The following PIK3C2B variants were observed in gnomAD, a reference collection of about 807,000 sequenced individuals.
PIK3C2B encodes the protein phosphatidylinositol 4-phosphate 3-kinase C2 domain-containing subunit beta.
In PIK3C2B, 83 loss-of-function variants were observed where a neutral mutation model predicts 184.3. That is an observed-to-expected ratio of 0.45 (90% confidence interval 0.38 to 0.54). The LOEUF (loss-of-function observed/expected upper bound fraction) is 0.54. Among genes scored for constraint, PIK3C2B ranks in the 20% least tolerant of loss-of-function variants. The pLI, the probability that PIK3C2B is intolerant of heterozygous loss-of-function variation, is 0.00. For synonymous variants in PIK3C2B, 779 were observed against 837.6 expected (o/e 0.93, Z 1.21); for missense variants, 1,736 against 2,113.5 (o/e 0.82, Z 3.50).
intron 21 of PIK3C2B, among the ~76,000 whole-genome samples, chr1:204,440,765 T>TTATATATATATATATATATATA (rs34842826): frequency 4.3e-5 from 6 of 140,052 alleles, no homozygotes; most frequent in African/African-American, 1.6e-4. Context: ...CCCAGCTAAT[T>TTATATATATATATATATATATA]TATATATATA....
rs773149334 is a variant in PIK3C2B, at chr1:204,449,959, G to A, written c.2125C>T (p.Leu709Phe). 6.2e-7 allele frequency: 1 copy of A among 1,608,788 alleles called. No homozygotes were observed. The highest frequency in any genetic ancestry group is 8.5e-7 in the Non-Finnish European group (1 of 1,177,688). ...LPRETLLCAT[L>F]YALPIPPPGS... ...GGTGGGGGGATGGGCAGAGCATAGA[G>A]AGTGGCACACAGCAGTGTCTCCCGA... Residue 709 changes from leucine (L) to phenylalanine (F), a missense_variant, in exon 13 of 33, where the codon CTC (leucine) becomes TTC (phenylalanine). Physicochemically the swap from Leu to Phe is conservative, Grantham distance 22. Transcript: ENST00000684373.
intron 1 of PIK3C2B, among the ~76,000 whole-genome samples, chr1:204,475,371 T>G (rs1333444576): frequency 6.6e-6 from 1 of 150,448 alleles, no homozygotes; most frequent in Non-Finnish European, 1.5e-5. Context: ...TTAAGATATT[T>G]TATTCAAAAT....
rs867355457 is a variant in PIK3C2B, at chr1:204,444,219, A to G, written c.2773-57T>C. 24 of 1,431,334 alleles carry G rather than the reference A, an allele frequency of 1.7e-5. 1 individual carries two copies. In the Middle Eastern group the frequency reaches 4.0e-3, roughly 241 times the overall value. The allele number at this position is 1,431,334 out of a possible 1,614,324, so 88.7% of individuals were successfully genotyped here. On this transcript the variant is annotated intron_variant, in intron 17 of 32. Transcript: ENST00000684373. The stretch of plus-strand genomic sequence containing the variant: ...AAGCTTCATTAACTGCCTGTAACCT[A>G]CACTTATTATTATTGCACTGGGATC...
At chr1:204,477,425 C>G (rs531687520) in intron 1 of PIK3C2B, among the ~76,000 whole-genome samples, 1 of 152,298 alleles carries the variant, frequency 6.6e-6, no homozygotes, top group East Asian at 1.9e-4. Flanking sequence ...ATGCCTATGG[C>G]CAAGCAGGTC....
At position 204,456,040 on chromosome 1, in the gene PIK3C2B, C is replaced by T; in HGVS notation, c.1759G>A (p.Glu587Lys). Reference sequence around the variant, plus strand: ...TCCAAGATGGCAGCGGTCAGGGCTTCCACGACCTTCTCTGGGAAGGGAAGG... The same window carrying T: ...TCCAAGATGGCAGCGGTCAGGGCTTTCACGACCTTCTCTGGGAAGGGAAGG... ...AVRENREKVV[E>K]ALTAAILDLV... The change falls in exon 11 of 33, where the codon GAA becomes AAA. Residue 587 changes from glutamate (E) to lysine (K), a missense_variant. Transcript: ENST00000684373. 1 of 1,612,872 alleles carries T rather than the reference C, an allele frequency of 6.2e-7. No homozygotes were observed. Among genetic ancestry groups the T allele is most frequent in the Non-Finnish European group, 8.5e-7 (1 of 1,179,086 alleles).
chr1:204,481,386 C>T (rs1304728734), intron 1 of PIK3C2B, among the ~76,000 whole-genome samples: 1 of 151,174 alleles, frequency 6.6e-6, no homozygotes, highest in African/African-American at 2.4e-5. Flanking sequence ...TCTGCCTCAG[C>T]TTCCTGAACC....
At chr1:204,453,777 A>ATTT (rs35689799) in intron 12 of PIK3C2B, among the ~76,000 whole-genome samples, 2 of 148,016 alleles carry the variant, frequency 1.4e-5, no homozygotes, top group Admixed American at 6.7e-5. Context: ...CTAACATTTA[A>ATTT]TTTTTTTTTT....
intron 1 of PIK3C2B, among the ~76,000 whole-genome samples, chr1:204,480,522 C>T (rs1657037394): frequency 1.3e-5 from 2 of 152,128 alleles, no homozygotes; most frequent in African/African-American, 4.8e-5. Flanking sequence ...AGTATACACT[C>T]AGCACAGATA....
rs1214733513 is a variant in PIK3C2B at position 204,424,655 on chromosome 1, G to A, written c.*197C>T. The A allele has an allele frequency of 4.0e-6, 3 of 752,422 alleles. No homozygotes were observed. The highest frequency in any genetic ancestry group is 7.3e-6 in the Non-Finnish European group (3 of 412,084). 46.6% of individuals were successfully genotyped at this position (752,422 alleles called of 1,614,324 possible). A position where few individuals can be genotyped will look rare whatever the true frequency, so the allele number is the denominator to read the frequency against. On this transcript the variant is annotated 3_prime_UTR_variant, in exon 33 of 33. Transcript: ENST00000684373. The stretch of plus-strand genomic sequence containing the variant: ...GGGCTGCTCATCACAACCAACCCAA[G>A]TTCAGTCTCCAGAGGAAGAGACAGC...
At chr1:204,452,704 T>G (rs2942131) in intron 12 of PIK3C2B, among the ~76,000 whole-genome samples, 120,430 of 139,936 alleles carry the variant, frequency 0.86, 54,305 homozygotes, top group Non-Finnish European at 0.99. Flanking sequence ...GCCCAGGCTA[T>G]AGTGCAGTGG....
At chr1:204,467,833 C>CAAAAATAA (rs1655937485) in intron 2 of PIK3C2B, among the ~76,000 whole-genome samples, 1 of 88,566 alleles carries the variant, frequency 1.1e-5, no homozygotes, top group Admixed American at 1.4e-4. Flanking sequence ...GACTCTGTCT[C>CAAAAATAA]AAAAAAAAAA....
intron 1 of PIK3C2B, among the ~76,000 whole-genome samples, chr1:204,490,678 C>G (rs1448206273): frequency 6.6e-6 from 1 of 151,782 alleles, no homozygotes; most frequent in Non-Finnish European, 1.5e-5. Flanking sequence ...AATCCCAACA[C>G]TTTGGGAGGC....
Position 204,423,505 on chromosome 1 carries a change from G to C in PIK3C2B, c.*1347C>G, listed in dbSNP as rs1251645464. On this transcript the variant is annotated 3_prime_UTR_variant, in exon 33 of 33. Coordinates refer to ENST00000684373, the MANE Select transcript of PIK3C2B (RefSeq NM_001377334.1). ...ATAAAGAATATGAAGAGATAAGGGAGTCAGTCTCAGTCTCTCCCTTCGGGC... is the reference window on the plus strand; with the variant it reads ...ATAAAGAATATGAAGAGATAAGGGACTCAGTCTCAGTCTCTCCCTTCGGGC... 6.6e-6 allele frequency: 1 copy of C among 151,922 alleles called. No individual in the cohort carries two copies. Among genetic ancestry groups the C allele is most frequent in the Non-Finnish European group, 1.5e-5 (1 of 68,004 alleles). 9.4% of individuals were successfully genotyped at this position (151,922 alleles called of 1,614,324 possible).
intron 10 of PIK3C2B, 36 bp downstream of exon 10, chr1:204,457,001 G>C: frequency 1.3e-6 from 2 of 1,552,744 alleles, no homozygotes; most frequent in South Asian, 2.4e-5. Flanking sequence ...GTTTTCGGCA[G>C]CCCGACTGGA....
intron 1 of PIK3C2B, among the ~76,000 whole-genome samples, chr1:204,483,755 G>C (rs140581242): frequency 7.0e-4 from 107 of 152,292 alleles, no homozygotes; most frequent in African/African-American, 2.5e-3. Flanking sequence ...TCCCAAGAGA[G>C]ACAGATGTCC....
At chr1:204,425,157 C>T (rs555121283) in intron 32 of PIK3C2B, 117 bp from the exon 33 acceptor site, 3 of 766,884 alleles carry the variant, frequency 3.9e-6, no homozygotes, top group Admixed American at 4.9e-5. Context: ...GAGGCTAGCA[C>T]TCACCCTGCA....
intron 1 of PIK3C2B, among the ~76,000 whole-genome samples, chr1:204,481,046 C>T (rs922251174): frequency 6.6e-6 from 1 of 151,746 alleles, no homozygotes; most frequent in Non-Finnish European, 1.5e-5. Flanking sequence ...CATGTGTAAC[C>T]CCCAACCCCT....
chr1:204,425,104 C>T, intron 32 of PIK3C2B, 64 bp from the exon 33 acceptor site: 1 of 1,370,040 alleles, frequency 7.3e-7, no homozygotes, highest in Non-Finnish European at 1.0e-6. Flanking sequence ...CCAGAGGGAA[C>T]CCGAGAGGGA....
rs1653846087 is a variant in PIK3C2B at position 204,446,164 on chromosome 1, GAGA to G, written c.2490-23_2490-21del. 2 of 1,523,174 alleles carry G rather than the reference GAGA, an allele frequency of 1.3e-6. No homozygotes were observed. Among genetic ancestry groups the G allele is most frequent in the East Asian group, 2.3e-5 (1 of 43,376 alleles). The allele number at this position is 1,523,174 out of a possible 1,614,324, so 94.4% of individuals were successfully genotyped here. On this transcript the variant is annotated intron_variant, in intron 15 of 32. Transcript: ENST00000684373. ...GTGAGCCTGGTGGGCACACGGAAAG[GAGA>G]AGGTGGTGGGAGGGTAGGGGGCAGT...
Sources: allele counts gnomAD v4.1 joint callset (sites outside exome capture counted in the v4.1 genomes callset), GRCh38; gene constraint gnomAD v4.1.1; transcripts MANE v1.5; gene names NCBI Gene and HGNC (gene_info 2026-07-23, HGNC 2026-07-21).